Variants in ZNF638 observed in about 807,000 individuals in gnomAD.
The protein encoded by ZNF638 is CTCL tumor antigen se33-1.
Under a neutral mutation model 195.6 loss-of-function variants are expected in ZNF638, and 46 were observed. That is an observed-to-expected ratio of 0.24 (90% CI 0.19 to 0.30). ZNF638 has a LOEUF of 0.30. ZNF638 is among the 10% of genes least tolerant of loss of function. ZNF638 has a pLI of 1.00. For missense variants in ZNF638, 2,440 were observed against 2,325.3 expected (o/e 1.05, Z -1.01); for synonymous variants, 845 against 772.0 (o/e 1.09, Z -1.57).
intron 1 of ZNF638, among the ~76,000 whole-genome samples, chr2:71,334,099 AACCATTTATATGAT>A: frequency 6.6e-6 from 1 of 152,308 alleles, no homozygotes; most frequent in South Asian, 2.1e-4. Context: ...TATATATTGT[AACCATTTATATGAT>A]TGTTACGTTA....
intron 3 of ZNF638, among the ~76,000 whole-genome samples, chr2:71,359,627 C>A (rs1483167665): frequency 1.3e-5 from 2 of 152,114 alleles, no homozygotes; most frequent in African/African-American, 2.4e-5. Flanking sequence ...AAGTTGACAC[C>A]CAAAATTAAC....
chr2:71,400,491 G>A lies in ZNF638; in HGVS notation c.2670G>A (p.Glu890=), dbSNP rs2079984970. 1 of 1,606,066 alleles carries A rather than the reference G, an allele frequency of 6.2e-7. No individual in the cohort carries two copies. Among genetic ancestry groups the A allele is most frequent in the Admixed American group, 1.7e-5 (1 of 58,174 alleles). Residue 890 remains glutamate (E), a synonymous_variant, in exon 15 of 28, where the codon GAG becomes GAA. Transcript: ENST00000264447. ...TTTTGTATTAAGATGCTGCTTTGGA[G>A]GCCACAGAGAATGAACCACTTAACA... The part of the protein sequence containing the change: ...AKEAISDAAL[E]ATENEPLNKE...
Position 71,368,470 on chromosome 2 carries a change from A to G in ZNF638, c.2084A>G (p.Lys695Arg), listed in dbSNP as rs1207634586. The change falls in exon 7 of 28, where the codon AAA becomes AGA. Residue 695 changes from lysine (K) to arginine (R), a missense_variant. By Grantham distance (26) the Lys-to-Arg change is conservative. Coordinates refer to ENST00000264447, the MANE Select transcript of ZNF638 (RefSeq NM_014497.5). ...EDGCTEEDVR[K>R]LFQPFGKVND... ...GGTTGTACTGAAGAAGATGTGAGAA[A>G]ATTATTTCAACCATTTGGGAAAGTG... is the stretch of plus-strand genomic sequence containing the variant. 3 of 1,613,534 alleles carry G rather than the reference A, an allele frequency of 1.9e-6. No individual in the cohort carries two copies. Among genetic ancestry groups the G allele is most frequent in the Non-Finnish European group, 2.5e-6 (3 of 1,179,800 alleles).
intron 20 of ZNF638, among the ~76,000 whole-genome samples, chr2:71,417,367 C>G (rs1226484109): frequency 6.6e-6 from 1 of 150,956 alleles, no homozygotes; most frequent in Non-Finnish European, 1.5e-5. Context: ...CTGACCTGCG[C>G]CCACTGTCTG....
intron 10 of ZNF638, among the ~76,000 whole-genome samples, chr2:71,383,560 GT>G (rs57987492): frequency 0.13 from 15,479 of 121,968 alleles, 950 homozygotes; most frequent in African/African-American, 0.19. Context: ...TTCCTGGGTG[GT>G]TTTTTTTTTT....
chr2:71,369,156 G>A (rs1241772583), intron 7 of ZNF638, among the ~76,000 whole-genome samples: 2 of 137,952 alleles, frequency 1.4e-5, no homozygotes, highest in African/African-American at 3.2e-5. Flanking sequence ...CCAACATGGT[G>A]AAACCCCGTG....
intron 2 of ZNF638, among the ~76,000 whole-genome samples, chr2:71,352,468 A>G (rs1388564711): frequency 7.0e-6 from 1 of 142,856 alleles, no homozygotes; most frequent in African/African-American, 2.6e-5. Flanking sequence ...ACAGAGCGAG[A>G]CTCCATCTCA....
At chr2:71,433,371 C>T (rs2080705436) in intron 27 of ZNF638, 88 bp downstream of exon 27, 14 of 943,872 alleles carry the variant, frequency 1.5e-5, no homozygotes, top group South Asian at 2.9e-5. Flanking sequence ...CATTTCCCCC[C>T]GCTTTAGGAG....
chr2:71,396,001 T>G, intron 10 of ZNF638, 140 bp from the exon 11 acceptor site: 1 of 717,324 alleles, frequency 1.4e-6, no homozygotes, highest in Admixed American at 2.8e-5. Flanking sequence ...GCCCCCATAG[T>G]AATTCCATGG....
chr2:71,378,264 T>A (rs1246114297), intron 8 of ZNF638, among the ~76,000 whole-genome samples: 7 of 152,214 alleles, frequency 4.6e-5, no homozygotes, highest in Non-Finnish European at 8.8e-5. Flanking sequence ...GGCTAAATGT[T>A]TCAACTTATA....
At chr2:71,392,610 C>T (rs2079805561) in intron 10 of ZNF638, among the ~76,000 whole-genome samples, 1 of 152,146 alleles carries the variant, frequency 6.6e-6, no homozygotes, top group Non-Finnish European at 1.5e-5. Flanking sequence ...CACTGCCTTG[C>T]CCACTGGCTT....
intron 21 of ZNF638, among the ~76,000 whole-genome samples, chr2:71,419,757 A>G (rs1278628697): frequency 6.6e-6 from 1 of 152,144 alleles, no homozygotes; most frequent in Non-Finnish European, 1.5e-5. Context: ...ACTCTGTGGC[A>G]AAACCCATTT....
chr2:71,396,017 C>G, intron 10 of ZNF638, 124 bp from the exon 11 acceptor site: 1 of 802,116 alleles, frequency 1.2e-6, no homozygotes. Context: ...CATGGACATA[C>G]AAAGATGAGT....
Position 71,426,617 on chromosome 2 carries a change from A to G in ZNF638, c.4748A>G (p.Lys1583Arg). Residue 1583 changes from lysine to arginine, a missense_variant, in exon 24 of 28, where the codon AAG becomes AGG. By Grantham distance (26) the Lys-to-Arg change is conservative. Coordinates refer to ENST00000264447, the MANE Select transcript of ZNF638 (RefSeq NM_014497.5). ...TCTGAACTTAACTTAAAGAAGAAAA[A>G]GGGGAAAACTTCCACTCCTCGTGGT... The part of the protein sequence containing the change: ...PFSELNLKKK[K>R]GKTSTPRGVE... The G allele has an allele frequency of 3.7e-6, 6 of 1,614,106 alleles. No homozygotes were observed. The highest frequency in any genetic ancestry group is 4.2e-6 in the Non-Finnish European group (5 of 1,179,996).
rs375052911 is a variant in ZNF638, at chr2:71,406,331, A to G, written c.3135+69A>G. ...TGTATAATAACCCTGTATTCTGACA[A>G]TCTGCAACTTCTGATCTGAAGCACC... On this transcript the variant is annotated intron_variant, in intron 19 of 27. Transcript: ENST00000264447. 148 of 1,388,998 alleles carry G rather than the reference A, an allele frequency of 1.1e-4. 1 individual carries two copies. In the South Asian group the frequency reaches 1.2e-3, roughly 12 times the overall value. 86.0% of individuals were successfully genotyped at this position (1,388,998 alleles called of 1,614,324 possible).
intron 1 of ZNF638, among the ~76,000 whole-genome samples, chr2:71,343,466 C>T (rs186062036): frequency 6.6e-6 from 1 of 152,124 alleles, no homozygotes; most frequent in Non-Finnish European, 1.5e-5. Context: ...CTGTCATTCC[C>T]AATTAAATGT....
Position 71,360,400 on chromosome 2 carries a change from G to A in ZNF638, c.1380-2753G>A, listed in dbSNP as rs371081696. Among the ~76,000 whole-genome samples, 6 of 152,078 alleles carry A rather than the reference G, an allele frequency of 3.9e-5. No homozygotes were observed. The South Asian group carries it at 8.3e-4, about 21-fold the overall frequency. On this transcript the variant is annotated intron_variant, in intron 3 of 27. Coordinates refer to ENST00000264447, the MANE Select transcript of ZNF638 (RefSeq NM_014497.5). ...TAAGGAAATTAACAATAATTCCACA[G>A]TTCCTTCTAATATATAAGCCAAATT...
intron 10 of ZNF638, chr2:71,393,386 C>A: frequency 1.4e-6 from 1 of 717,982 alleles, no homozygotes; most frequent in South Asian, 1.5e-5. Flanking sequence ...TGTTCACACC[C>A]CCCTCAGGCC....
At chr2:71,361,605 T>C (rs1242769424) in intron 3 of ZNF638, 1 of 152,172 alleles carries the variant, frequency 6.6e-6, no homozygotes, top group African/African-American at 2.4e-5. Flanking sequence ...CACTAGATGA[T>C]GGGTATGTTG....
Sources: gnomAD v4.1 joint callset for allele counts (sites outside exome capture counted in the v4.1 genomes callset) on GRCh38, gnomAD v4.1.1 for gene constraint, MANE v1.5 for transcripts, NCBI Gene and HGNC (gene_info 2026-07-23, HGNC 2026-07-21) for gene names.